PARD3B: variants seen among roughly 807,000 people sequenced by gnomAD.
The protein encoded by PARD3B is partitioning defective 3 homolog B.
Under a neutral mutation model 130.2 loss-of-function variants are expected in PARD3B, and 103 were observed. The observed-to-expected ratio is 0.79, with a 90% CI of 0.67 to 0.93. PARD3B has a LOEUF of 0.93. PARD3B is among the 40% of genes least tolerant of loss of function. The pLI is 0.00. For synonymous variants in PARD3B, 583 were observed against 553.2 expected (o/e 1.05, Z -0.76); for missense variants, 1,609 against 1,499.2 (o/e 1.07, Z -1.21).
At chr2:205,245,457 C>A (rs1251290357) in intron 15 of PARD3B, among the ~76,000 whole-genome samples, 2 of 151,990 alleles carry the variant, frequency 1.3e-5, no homozygotes, top group Non-Finnish European at 2.9e-5. Flanking sequence ...TGTATACATC[C>A]CTGGGTCTAT....
chr2:205,225,721 G>A (rs558028498), intron 15 of PARD3B, among the ~76,000 whole-genome samples: 2 of 152,308 alleles, frequency 1.3e-5, no homozygotes, highest in East Asian at 3.9e-4. Flanking sequence ...GATAAAGAGA[G>A]AAAAGGGGAA....
chr2:205,368,312 G>A (rs927509130), intron 18 of PARD3B, among the ~76,000 whole-genome samples: 16 of 152,134 alleles, frequency 1.1e-4, no homozygotes, highest in Admixed American at 6.5e-5. Context: ...TAGTATATAT[G>A]AATATCTGAT....
At chr2:205,065,854 C>A (rs1357470739) in intron 4 of PARD3B, among the ~76,000 whole-genome samples, 1 of 152,078 alleles carries the variant, frequency 6.6e-6, no homozygotes, top group African/African-American at 2.4e-5. Context: ...GCCTGCAGAA[C>A]CACATGCTAA....
At chr2:204,617,709 C>T (rs2034161272) in intron 1 of PARD3B, among the ~76,000 whole-genome samples, 1 of 152,174 alleles carries the variant, frequency 6.6e-6, no homozygotes, top group Non-Finnish European at 1.5e-5. Context: ...TCTCCACCCT[C>T]AAGGAGGCCC....
Position 205,142,470 on chromosome 2 carries a change from A to G in PARD3B, c.1435-16252A>G, listed in dbSNP as rs2033039546. Among the ~76,000 whole-genome samples the G allele has an allele frequency of 1.3e-5, 2 of 152,222 alleles. No homozygotes were observed. Among genetic ancestry groups the G allele is most frequent in the Admixed American group, 6.5e-5 (1 of 15,288 alleles). On this transcript the variant is annotated intron_variant, in intron 10 of 22. Coordinates refer to ENST00000406610, the MANE Select transcript of PARD3B (RefSeq NM_001302769.2). The surrounding 1 kb of genome is among the most constrained non-coding windows in gnomAD (Gnocchi z 4.3). ...GTGTCAACAAAACATGTATGAAGTC[A>G]TCGCATAACGAATACTTACTAGATG...
chr2:205,070,799 C>A (rs766717214), intron 4 of PARD3B, among the ~76,000 whole-genome samples: 2 of 152,118 alleles, frequency 1.3e-5, no homozygotes, highest in East Asian at 1.9e-4. Flanking sequence ...TTTGTCACTA[C>A]GTCCAGTTAC....
chr2:204,755,703 A>G (rs2040639444), intron 2 of PARD3B, among the ~76,000 whole-genome samples: 1 of 151,702 alleles, frequency 6.6e-6, no homozygotes, highest in Admixed American at 6.6e-5. Context: ...TGTTCATTCA[A>G]CATACATTTT....
intron 2 of PARD3B, among the ~76,000 whole-genome samples, chr2:204,707,258 G>A (rs959201530): frequency 6.6e-6 from 1 of 152,196 alleles, no homozygotes; most frequent in Non-Finnish European, 1.5e-5. Flanking sequence ...ATTTATTATG[G>A]TGGTGGTACT....
At chr2:205,608,444 G>A (rs1401932003) in intron 22 of PARD3B, among the ~76,000 whole-genome samples, 1 of 152,216 alleles carries the variant, frequency 6.6e-6, no homozygotes, top group East Asian at 1.9e-4. Context: ...AACAAAGCCT[G>A]TTCTGTGGAT....
intron 18 of PARD3B, among the ~76,000 whole-genome samples, chr2:205,365,527 G>A (rs984605907): frequency 2.8e-5 from 4 of 142,662 alleles, no homozygotes; most frequent in Non-Finnish European, 4.5e-5. Context: ...TGTCACATCA[G>A]GGCCATATCC....
At chr2:205,102,758 T>G (rs1702872108) in intron 4 of PARD3B, among the ~76,000 whole-genome samples, 1 of 152,146 alleles carries the variant, frequency 6.6e-6, no homozygotes, top group African/African-American at 2.4e-5. Context: ...TGCAGTTATG[T>G]CTTACTTTCT....
rs373839067 is a variant in PARD3B at position 204,729,237 on chromosome 2, A to C, written c.222+42955A>C. Reference sequence around the variant, plus strand: ...ATCTTCATGGATTATTGAAATAAAGAAAGCAAGCACTTGGCTCCTTTCATT... The same window carrying C: ...ATCTTCATGGATTATTGAAATAAAGCAAGCAAGCACTTGGCTCCTTTCATT... On this transcript the variant is annotated intron_variant, in intron 2 of 22. Transcript: ENST00000406610. Among the ~76,000 whole-genome samples, 86 of 152,344 alleles carry C rather than the reference A, an allele frequency of 5.6e-4. 1 individual carries two copies. Among genetic ancestry groups the C allele is most frequent in the African/African-American group, 2.0e-3 (82 of 41,588 alleles).
intron 2 of PARD3B, among the ~76,000 whole-genome samples, chr2:204,797,290 CTT>C (rs749728995): frequency 1.9e-4 from 28 of 150,124 alleles, no homozygotes; most frequent in Non-Finnish European, 2.4e-4. Flanking sequence ...TATGAAATAA[CTT>C]TTTCAATTAA....
At chr2:204,782,451 TTATA>T (rs1559140684) in intron 2 of PARD3B, among the ~76,000 whole-genome samples, 2 of 151,252 alleles carry the variant, frequency 1.3e-5, no homozygotes, top group Non-Finnish European at 3.0e-5. Flanking sequence ...CACATAAGTA[TTATA>T]TATGTAATAT....
rs186127147 is a variant in PARD3B at position 205,410,440 on chromosome 2, C to A, written c.2741+9317C>A. On this transcript the variant is annotated intron_variant, in intron 19 of 22. Transcript: ENST00000406610. ...ATTCATTTTCGTGGCATTGGATAAG[C>A]CACTTTTGAGGATGTATTCTTATAG... 3.3e-4 allele frequency among the ~76,000 whole-genome samples: 50 copies of A among 152,158 alleles called. 1 individual carries two copies. The highest frequency in any genetic ancestry group is 3.1e-3 in the Admixed American group (47 of 15,264).
chr2:204,896,074 C>T (rs2046630577), intron 2 of PARD3B, among the ~76,000 whole-genome samples: 1 of 152,132 alleles, frequency 6.6e-6, no homozygotes, highest in South Asian at 2.1e-4. Context: ...TCTACTCAGA[C>T]TTCCCTTAAA....
intron 20 of PARD3B, chr2:205,482,610 C>CG (rs1278553526): frequency 6.6e-6 from 1 of 150,528 alleles, no homozygotes; most frequent in Non-Finnish European, 1.5e-5. Flanking sequence ...CCTCCCCAGG[C>CG]GGGGGTGGGG....
At chr2:204,776,766 G>A (rs1421530290) in intron 2 of PARD3B, among the ~76,000 whole-genome samples, 2 of 151,940 alleles carry the variant, frequency 1.3e-5, no homozygotes, top group African/African-American at 2.4e-5. Flanking sequence ...TTGGGGGTTT[G>A]CCTTCAAGAA....
intron 2 of PARD3B, among the ~76,000 whole-genome samples, chr2:204,853,254 A>G (rs779787003): frequency 2.4e-4 from 37 of 152,222 alleles, no homozygotes; most frequent in Admixed American, 2.6e-4. Context: ...TGCAATATCC[A>G]TAATAAAGAA....
Sources: allele counts gnomAD v4.1 joint callset (sites outside exome capture counted in the v4.1 genomes callset), GRCh38; gene constraint gnomAD v4.1.1; non-coding constraint Gnocchi (gnomAD v3.1); transcripts MANE v1.5; gene names NCBI Gene and HGNC (gene_info 2026-07-23, HGNC 2026-07-21).